Variants in C10orf90 observed in about 807,000 individuals in gnomAD.
C10orf90 encodes the protein (E2-independent) E3 ubiquitin-conjugating enzyme FATS.
C10orf90 carries 56 observed loss-of-function variants against 62.5 expected under a neutral mutation model. The ratio of observed to expected loss-of-function variants is 0.90; its 90% CI spans 0.72 to 1.12. The LOEUF (loss-of-function observed/expected upper bound fraction) is 1.12, where lower values mean the gene tolerates loss of function less well. Ranked by LOEUF, C10orf90 falls within the 50% of genes most tolerant of loss-of-function variation. The pLI is 0.00. For synonymous variants in C10orf90, 386 were observed against 340.4 expected, an observed-to-expected ratio of 1.13 and a Z score of -1.47; for missense variants, 970 against 880.4, an observed-to-expected ratio of 1.10 and a Z score of -1.29.
At chr10:126,496,689 C>A (rs1027721725) in intron 4 of C10orf90, 2 of 985,296 alleles carry the variant, frequency 2.0e-6, no homozygotes, top group African/African-American at 1.7e-5. Flanking sequence ...TCGCTCCTCA[C>A]CCTTTCCTTG....
At chr10:126,667,507 A>C (rs1476485726) in intron 1 of C10orf90, among the ~76,000 whole-genome samples, 1 of 152,192 alleles carries the variant, frequency 6.6e-6, no homozygotes, top group Non-Finnish European at 1.5e-5. Flanking sequence ...GGCATTAGAA[A>C]CTGTCGCCTG....
At chr10:126,613,776 G>C (rs183905538) in intron 2 of C10orf90, among the ~76,000 whole-genome samples, 28 of 152,250 alleles carry the variant, frequency 1.8e-4, no homozygotes, top group African/African-American at 6.0e-4. Context: ...AAGACTGAAG[G>C]GCGAGGGAAA....
chr10:126,649,028 GTC>G (rs1224800410), intron 1 of C10orf90, among the ~76,000 whole-genome samples: 2 of 102,798 alleles, frequency 1.9e-5, no homozygotes, highest in East Asian at 2.7e-4. Context: ...CTCTCTCTCT[GTC>G]TCTGTCTCTC....
chr10:126,594,330 A>G (rs1564885694), intron 2 of C10orf90, among the ~76,000 whole-genome samples: 2 of 152,116 alleles, frequency 1.3e-5, no homozygotes, highest in South Asian at 2.1e-4. Flanking sequence ...ATATGTAAAT[A>G]CTCAGAGAAA....
intron 2 of C10orf90, among the ~76,000 whole-genome samples, chr10:126,534,976 G>T (rs1864194253): frequency 6.6e-6 from 1 of 152,100 alleles, no homozygotes; most frequent in Non-Finnish European, 1.5e-5. Flanking sequence ...GACCTAGGTG[G>T]TTTGCTCAGA....
At chr10:126,565,045 TATATAATATATAAA>T (rs1844306344) in intron 2 of C10orf90, among the ~76,000 whole-genome samples, 1 of 34,888 alleles carries the variant, frequency 2.9e-5, no homozygotes, top group Non-Finnish European at 4.8e-5. Context: ...AAATATATAA[TATATAATATATAAA>T]ATATATATTA....
intron 2 of C10orf90, among the ~76,000 whole-genome samples, chr10:126,643,737 T>C (rs756447673): frequency 6.6e-6 from 1 of 152,246 alleles, no homozygotes; most frequent in African/African-American, 2.4e-5. Flanking sequence ...AGTGGGTTTC[T>C]GGTCTCCAAA....
At chr10:126,516,115 G>A (rs1487758585) in intron 2 of C10orf90, among the ~76,000 whole-genome samples, 1 of 152,198 alleles carries the variant, frequency 6.6e-6, no homozygotes, top group Non-Finnish European at 1.5e-5. Context: ...ACAGGTCTAG[G>A]CCTGCATCCT....
intron 4 of C10orf90, among the ~76,000 whole-genome samples, chr10:126,497,119 C>T (rs919424046): frequency 1.2e-4 from 19 of 152,272 alleles, no homozygotes; most frequent in African/African-American, 3.1e-4. Context: ...GAGGCTGTTG[C>T]GGTGCCAGCA....
intron 2 of C10orf90, among the ~76,000 whole-genome samples, chr10:126,576,681 A>ATG (rs1844621036): frequency 0.085 from 6,827 of 80,736 alleles, 1,399 homozygotes; most frequent in African/African-American, 0.12. Context: ...ATGTATACAT[A>ATG]TACATATACA....
intron 2 of C10orf90, among the ~76,000 whole-genome samples, chr10:126,612,673 G>A (rs1845462993): frequency 6.6e-6 from 1 of 152,166 alleles, no homozygotes. Context: ...TTTCCAATCA[G>A]TTCAAGAACA....
intron 4 of C10orf90, among the ~76,000 whole-genome samples, chr10:126,498,977 C>A (rs1458343352): frequency 6.6e-6 from 1 of 152,182 alleles, no homozygotes; most frequent in Non-Finnish European, 1.5e-5. Context: ...TCTAGAGAAT[C>A]CAACATGTAA....
At chr10:126,630,307 T>C (rs902837787) in intron 2 of C10orf90, among the ~76,000 whole-genome samples, 2 of 152,136 alleles carry the variant, frequency 1.3e-5, no homozygotes, top group Admixed American at 1.3e-4. Context: ...CTGCAGATGC[T>C]GGATGAAGAG....
chr10:126,657,847 C>G (rs1846428289), intron 1 of C10orf90, among the ~76,000 whole-genome samples: 1 of 152,228 alleles, frequency 6.6e-6, no homozygotes, highest in South Asian at 2.1e-4. Flanking sequence ...AACTCCCAGC[C>G]TCAGGTGATC....
At chr10:126,559,652 A>G (rs79832793) in intron 2 of C10orf90, among the ~76,000 whole-genome samples, 5,144 of 152,260 alleles carry the variant, frequency 0.034, 169 homozygotes, top group African/African-American at 0.084. Context: ...ATTGATCGGA[A>G]GATGGGTACC....
intron 7 of C10orf90, among the ~76,000 whole-genome samples, chr10:126,445,456 A>G (rs964845853): frequency 1.3e-5 from 2 of 152,214 alleles, no homozygotes; most frequent in Non-Finnish European, 2.9e-5. Context: ...AATAAAAACC[A>G]CAATGTGATA....
chr10:126,491,672 A>G (rs993980111), intron 4 of C10orf90, among the ~76,000 whole-genome samples: 11 of 152,338 alleles, frequency 7.2e-5, no homozygotes, highest in Admixed American at 2.6e-4. Context: ...TTTGTGATTC[A>G]CACAATATTC....
At chr10:126,616,112 A>G (rs1276949374) in intron 2 of C10orf90, among the ~76,000 whole-genome samples, 1 of 151,994 alleles carries the variant, frequency 6.6e-6, no homozygotes, top group Non-Finnish European at 1.5e-5. Flanking sequence ...ACCACCCAAG[A>G]CCCCAGCACT....
chr10:126,640,535 C>A (rs901359313), intron 2 of C10orf90, among the ~76,000 whole-genome samples: 15 of 152,172 alleles, frequency 9.9e-5, no homozygotes, highest in African/African-American at 3.6e-4. Context: ...TCAGAGCCCA[C>A]GGTCCTGGAG....
Sources: allele counts gnomAD v4.1 joint callset (sites outside exome capture counted in the v4.1 genomes callset), GRCh38; gene constraint gnomAD v4.1.1; transcripts MANE v1.5; gene names NCBI Gene and HGNC (gene_info 2026-07-23, HGNC 2026-07-21).